The following SNX4 variants were observed in gnomAD, a reference collection of about 807,000 sequenced individuals.
The protein encoded by SNX4 is sorting nexin-4.
In SNX4, 49 loss-of-function variants were observed where a neutral mutation model predicts 70.8. That is an observed-to-expected ratio of 0.69 (90% CI 0.55 to 0.88). The LOEUF is 0.88. SNX4 is among the 40% of genes least tolerant of loss of function. The pLI, the probability that SNX4 is intolerant of heterozygous loss-of-function variation, is 0.00. For synonymous variants in SNX4, 206 were observed against 183.8 expected, an observed-to-expected ratio of 1.12 and a Z score of -0.98; for missense variants, 528 against 544.8, an observed-to-expected ratio of 0.97 and a Z score of 0.31.
At chr3:125,465,392 C>T (rs1276756284) in intron 9 of SNX4, among the ~76,000 whole-genome samples, 1 of 150,650 alleles carries the variant, frequency 6.6e-6, no homozygotes, top group Non-Finnish European at 1.5e-5. Flanking sequence ...ATTACAAGCG[C>T]CTGCCACCAC....
rs576839110 is a variant in SNX4, at chr3:125,477,404, G to A, written c.727-648C>T. On this transcript the variant is annotated intron_variant, in intron 7 of 13. Transcript: ENST00000251775. The stretch of plus-strand genomic sequence containing the variant: ...ACATCACTGAAATGTGTACTGCCTA[G>A]CCATTCACAGAAATTTTACAAGTTA... 2.0e-5 allele frequency among the ~76,000 whole-genome samples: 3 copies of A among 152,210 alleles called. No individual in the cohort carries two copies. The East Asian group carries it at 5.8e-4, about 29-fold the overall frequency.
At position 125,460,878 on chromosome 3, in the gene SNX4, AC is replaced by A; in HGVS notation, c.855-19del. 7.3e-5 allele frequency: 86 copies of A among 1,180,440 alleles called. No individual in the cohort carries two copies. Among genetic ancestry groups the A allele is most frequent in the Non-Finnish European group, 8.4e-5 (71 of 843,344 alleles). The allele number at this position is 1,180,440 out of a possible 1,614,324, so 73.1% of individuals were successfully genotyped here. On this transcript the variant is annotated intron_variant, in intron 9 of 13. Coordinates refer to ENST00000251775, the MANE Select transcript of SNX4 (RefSeq NM_003794.4). ...ATGCATACCTGTTTTAAAAAAAAAA[AC>A]ACACATTGCATAGAGTTACTTTCAT...
In SNX4 at chr3:125,520,108, G is replaced by T. The variant is rs554113221; in HGVS notation, c.65C>A (p.Ser22Tyr). ...LQPAPLEPLG[S>Y]PDAGLGAAVG... ...CGCAGCCCCCAGCCCAGCGTCTGGGGAGCCCAGCGGCTCCAAGGGCGCCGG... is the reference window on the plus strand; with the variant it reads ...CGCAGCCCCCAGCCCAGCGTCTGGGTAGCCCAGCGGCTCCAAGGGCGCCGG... Residue 22 changes from serine (S) to tyrosine (Y), a missense_variant, in exon 1 of 14, where the codon TCC becomes TAC. Transcript: ENST00000251775. The T allele has an allele frequency of 6.7e-7, 1 of 1,501,838 alleles. No homozygotes were observed. Among genetic ancestry groups the T allele is most frequent in the Non-Finnish European group, 8.8e-7 (1 of 1,130,080 alleles). The allele number at this position is 1,501,838 out of a possible 1,614,324, so 93.0% of individuals were successfully genotyped here.
rs538516045 is a variant in SNX4, at chr3:125,518,007, T to A, written c.141+2025A>T. Among the ~76,000 whole-genome samples, 6 of 152,188 alleles carry A rather than the reference T, an allele frequency of 3.9e-5. No homozygotes were observed. The South Asian group carries it at 1.2e-3, about 32-fold the overall frequency. Reference sequence around the variant, plus strand: ...AAAGAATAAAAATGTCAGGAAGTAGTATGTAACTACAACTTATACTGCATG... The same window carrying A: ...AAAGAATAAAAATGTCAGGAAGTAGAATGTAACTACAACTTATACTGCATG... On this transcript the variant is annotated intron_variant, in intron 1 of 13. Transcript: ENST00000251775.
chr3:125,471,344 CAAA>C (rs767432586), intron 8 of SNX4, among the ~76,000 whole-genome samples: 11 of 28,164 alleles, frequency 3.9e-4, no homozygotes, highest in African/African-American at 1.3e-3. Flanking sequence ...AGCTCCATCT[CAAA>C]AAAAAAAAAA....
At chr3:125,464,572 T>TC (rs1337556424) in intron 9 of SNX4, among the ~76,000 whole-genome samples, 1 of 136,888 alleles carries the variant, frequency 7.3e-6, no homozygotes, top group African/African-American at 2.8e-5. Context: ...TTCTTTTTTT[T>TC]TTTTTTTTTT....
At chr3:125,458,170 AT>A (rs397875260) in intron 10 of SNX4, among the ~76,000 whole-genome samples, 52,488 of 122,514 alleles carry the variant, frequency 0.43, 9,195 homozygotes, top group African/African-American at 0.54. Flanking sequence ...TCTATTAGGT[AT>A]TTTTTTTTTT....
intron 11 of SNX4, among the ~76,000 whole-genome samples, chr3:125,455,664 C>G (rs1933693487): frequency 6.6e-6 from 1 of 152,198 alleles, no homozygotes; most frequent in Non-Finnish European, 1.5e-5. Context: ...CCACATATAT[C>G]TGTGACTTTT....
intron 9 of SNX4, among the ~76,000 whole-genome samples, chr3:125,464,015 C>T (rs1380971625): frequency 6.6e-6 from 1 of 151,980 alleles, no homozygotes; most frequent in African/African-American, 2.4e-5. Context: ...TGAGACCAGC[C>T]TGGGTAACAC....
chr3:125,468,905 T>C (rs1934103481), intron 9 of SNX4, among the ~76,000 whole-genome samples: 2 of 152,008 alleles, frequency 1.3e-5, no homozygotes, highest in Admixed American at 6.6e-5. Flanking sequence ...TTTTGGTTGA[T>C]TGTTTATGGT....
At chr3:125,464,593 GAC>G (rs1933964453) in intron 9 of SNX4, among the ~76,000 whole-genome samples, 1 of 80,124 alleles carries the variant, frequency 1.2e-5, no homozygotes, top group African/African-American at 5.7e-5. Flanking sequence ...TTTTTTTTGA[GAC>G]ACAGTCTCAC....
intron 9 of SNX4, among the ~76,000 whole-genome samples, chr3:125,468,298 G>C (rs1934081886): frequency 6.6e-6 from 1 of 152,206 alleles, no homozygotes; most frequent in African/African-American, 2.4e-5. Flanking sequence ...CAGGTACTAA[G>C]CTTACTGGGT....
intron 8 of SNX4, among the ~76,000 whole-genome samples, chr3:125,475,337 T>TC (rs568984367): frequency 5.3e-5 from 8 of 152,202 alleles, no homozygotes; most frequent in Non-Finnish European, 1.2e-4. Context: ...GAATTTTTTT[T>TC]CCCACCTAGA....
intron 5 of SNX4, among the ~76,000 whole-genome samples, chr3:125,490,309 C>G (rs368679451): frequency 0.023 from 3,443 of 151,772 alleles, 137 homozygotes; most frequent in African/African-American, 0.079. Flanking sequence ...CCGAGGCAGG[C>G]GGAGCACGAG....
chr3:125,516,125 G>A (rs1935273443), intron 1 of SNX4, among the ~76,000 whole-genome samples: 1 of 152,044 alleles, frequency 6.6e-6, no homozygotes, highest in Non-Finnish European at 1.5e-5. Context: ...GCATTCCCAG[G>A]TCTAGAGCAC....
chr3:125,479,969 T>C (rs926124759), intron 7 of SNX4, among the ~76,000 whole-genome samples: 1 of 147,942 alleles, frequency 6.8e-6, no homozygotes, highest in Non-Finnish European at 1.5e-5. Flanking sequence ...AATCCTACAC[T>C]TATTTACATT....
chr3:125,500,045 A>G (rs1325379925), intron 2 of SNX4, among the ~76,000 whole-genome samples: 1 of 151,888 alleles, frequency 6.6e-6, no homozygotes, highest in Non-Finnish European at 1.5e-5. Context: ...GGGCAACAAG[A>G]GCGAAACTCC....
chr3:125,499,538 T>C (rs1285222544), intron 2 of SNX4, among the ~76,000 whole-genome samples: 2 of 152,140 alleles, frequency 1.3e-5, no homozygotes, highest in Admixed American at 6.6e-5. Flanking sequence ...AAAAATAGAA[T>C]TATTAAATCA....
intron 13 of SNX4, chr3:125,449,217 T>C (rs1579967397): frequency 6.7e-6 from 1 of 149,408 alleles, no homozygotes; most frequent in African/African-American, 2.5e-5. Context: ...AGATCAGGAG[T>C]TTGAGACCAG....
Sources: allele counts gnomAD v4.1 joint callset (sites outside exome capture counted in the v4.1 genomes callset), GRCh38; gene constraint gnomAD v4.1.1; transcripts MANE v1.5; gene names NCBI Gene and HGNC (gene_info 2026-07-23, HGNC 2026-07-21).